IQCB1: variants seen among roughly 807,000 people sequenced by gnomAD.
IQCB1 encodes the protein IQ calmodulin-binding motif-containing protein 1.
IQCB1 carries 56 observed loss-of-function variants against 84.4 expected under a neutral mutation model. The observed-to-expected ratio is 0.66, with a 90% CI of 0.54 to 0.83. The LOEUF (loss-of-function observed/expected upper bound fraction) is 0.83, where lower values mean the gene tolerates loss of function less well. Ranked by LOEUF, IQCB1 falls within the 40% of genes least tolerant of loss-of-function variation. The pLI is 0.00. For missense variants in IQCB1, 629 were observed against 682.1 expected, an observed-to-expected ratio of 0.92 and a Z score of 0.87; for synonymous variants, 210 against 234.8, an observed-to-expected ratio of 0.89 and a Z score of 0.96.
intron 5 of IQCB1, among the ~76,000 whole-genome samples, chr3:121,815,924 G>C (rs1257632469): frequency 1.1e-5 from 1 of 91,994 alleles, no homozygotes; most frequent in East Asian, 3.4e-4. Context: ...ATTTCATGTG[G>C]AACCAAAAAA....
At chr3:121,818,270 G>A (rs1459001331) in intron 5 of IQCB1, among the ~76,000 whole-genome samples, 1 of 152,162 alleles carries the variant, frequency 6.6e-6, no homozygotes, top group Non-Finnish European at 1.5e-5. Flanking sequence ...CTGTCAAAAG[G>A]TAAAAATAGT....
rs1471194015 is a variant in IQCB1 at position 121,835,013 on chromosome 3, G to C, written c.-149C>G. On this transcript the variant is annotated 5_prime_UTR_variant, in exon 1 of 15. Coordinates refer to ENST00000310864, the MANE Select transcript of IQCB1 (RefSeq NM_001023570.4). The stretch of plus-strand genomic sequence containing the variant: ...CCACTAAAGAACCTGGGGCTCCCAC[G>C]CCGCACTACAGCGCCGCGGCCTTCC... The C allele has an allele frequency of 4.0e-6, 2 of 498,124 alleles. No homozygotes were observed. The highest frequency in any genetic ancestry group is 2.0e-5 in the African/African-American group (1 of 50,572). 30.9% of individuals were successfully genotyped at this position (498,124 alleles called of 1,614,324 possible).
chr3:121,817,875 G>C (rs1359960632), intron 5 of IQCB1, among the ~76,000 whole-genome samples: 1 of 152,014 alleles, frequency 6.6e-6, no homozygotes, highest in African/African-American at 2.4e-5. Flanking sequence ...AGAGACAAGA[G>C]AGCTCCCTCT....
In IQCB1 at chr3:121,781,793, G is replaced by A. The variant is rs374241434; in HGVS notation, c.1360C>T (p.Arg454Cys). Residue 454 changes from arginine (R) to cysteine (C), a missense_variant, in exon 13 of 15, where the codon CGC becomes TGC. Arg to Cys is a radical substitution (Grantham distance 180). Transcript: ENST00000310864. ...ACTCGTTTCTTCAGTTCAACTCGGC[G>A]TGCATCAGTGAGTTCTTGGAGTCCT... is the stretch of plus-strand genomic sequence containing the variant. ...WRGLQELTDA[R>C]RVELKKRVDD... The A allele has an allele frequency of 1.6e-5, 26 of 1,613,750 alleles. No individual in the cohort carries two copies. Among genetic ancestry groups the A allele is most frequent in the South Asian group, 7.7e-5 (7 of 91,056 alleles).
At chr3:121,785,272 G>A (rs1179075487) in intron 12 of IQCB1, among the ~76,000 whole-genome samples, 1 of 149,300 alleles carries the variant, frequency 6.7e-6, no homozygotes, top group Non-Finnish European at 1.5e-5. Flanking sequence ...TTTTTTTTGA[G>A]GCAGGGTCTT....
intron 1 of IQCB1, 92 bp downstream of exon 1, chr3:121,834,874 C>T (rs1708186390): frequency 7.2e-6 from 2 of 278,032 alleles, no homozygotes; most frequent in Non-Finnish European, 1.4e-5. Context: ...TCTTACAAGC[C>T]GGCTGACTTC....
intron 13 of IQCB1, among the ~76,000 whole-genome samples, chr3:121,778,441 T>C (rs915788920): frequency 2.0e-5 from 3 of 152,174 alleles, no homozygotes; most frequent in Non-Finnish European, 4.4e-5. Flanking sequence ...TTCTGCAATG[T>C]TAAATCCTTT....
At chr3:121,811,222 CTG>C (rs1949816202) in intron 5 of IQCB1, among the ~76,000 whole-genome samples, 1 of 152,130 alleles carries the variant, frequency 6.6e-6, no homozygotes, top group South Asian at 2.1e-4. Flanking sequence ...AAGGGAGGGA[CTG>C]TGCTATCTGG....
At chr3:121,820,837 T>C (rs1203884005) in intron 5 of IQCB1, among the ~76,000 whole-genome samples, 1 of 152,182 alleles carries the variant, frequency 6.6e-6, no homozygotes, top group East Asian at 1.9e-4. Context: ...GTCAAGACAC[T>C]TATTACCTTA....
chr3:121,804,163 T>C (rs556730265), intron 7 of IQCB1, among the ~76,000 whole-genome samples: 1 of 152,178 alleles, frequency 6.6e-6, no homozygotes, highest in Non-Finnish European at 1.5e-5. Context: ...AGTGATATTA[T>C]ACCACTTCAT....
chr3:121,793,395 A>G (rs1049698514), intron 10 of IQCB1, among the ~76,000 whole-genome samples: 1 of 152,226 alleles, frequency 6.6e-6, no homozygotes, highest in Non-Finnish European at 1.5e-5. Flanking sequence ...ACCTGGACCC[A>G]TAAGTGTGAC....
chr3:121,774,066 C>A (rs1348365250), intron 13 of IQCB1, among the ~76,000 whole-genome samples: 1 of 139,742 alleles, frequency 7.2e-6, no homozygotes, highest in African/African-American at 2.7e-5. Flanking sequence ...CTACAAAAAA[C>A]AACCTGATTA....
At chr3:121,804,847 T>C (rs116174907) in intron 7 of IQCB1, among the ~76,000 whole-genome samples, 2 of 152,316 alleles carry the variant, frequency 1.3e-5, no homozygotes, top group African/African-American at 4.8e-5. Flanking sequence ...ATTACACTTA[T>C]GTAAGGTTGC....
In IQCB1 at chr3:121,807,573, G is replaced by A. The variant is rs573256166; in HGVS notation, c.488-130C>T. On this transcript the variant is annotated intron_variant, in intron 6 of 14. Coordinates refer to ENST00000310864, the MANE Select transcript of IQCB1 (RefSeq NM_001023570.4). ...AACTTTCTGACTTTGTAGACTCTAC[G>A]ATAAAGAAGACTTTAAGATGTAAAA... 29 of 584,290 alleles carry A rather than the reference G, an allele frequency of 5.0e-5. 1 individual carries two copies. Among genetic ancestry groups the A allele is most frequent in the South Asian group, 4.4e-4 (23 of 52,660 alleles). The allele number at this position is 584,290 out of a possible 1,614,324, so 36.2% of individuals were successfully genotyped here.
chr3:121,796,505 A>C (rs1576570918), intron 9 of IQCB1, among the ~76,000 whole-genome samples: 1 of 152,262 alleles, frequency 6.6e-6, no homozygotes, highest in South Asian at 2.1e-4. Flanking sequence ...TGCTAGAGGA[A>C]GTATGATGAA....
chr3:121,811,545 T>C (rs1949830383), intron 5 of IQCB1, among the ~76,000 whole-genome samples: 1 of 151,990 alleles, frequency 6.6e-6, no homozygotes, highest in Non-Finnish European at 1.5e-5. Flanking sequence ...AGCACAACAG[T>C]CTGAAGTCGA....
At chr3:121,772,819 A>C (rs1410331726) in intron 13 of IQCB1, 106 bp from the exon 14 acceptor site, 6 of 981,020 alleles carry the variant, frequency 6.1e-6, no homozygotes, top group African/African-American at 3.2e-5. Context: ...TCATTTTATC[A>C]ATTGAATCTT....
chr3:121,770,855 T>G (rs1947950324), intron 14 of IQCB1, among the ~76,000 whole-genome samples: 1 of 152,120 alleles, frequency 6.6e-6, no homozygotes, highest in South Asian at 2.1e-4. Flanking sequence ...TTTTTCTTTT[T>G]TTGTAGAGAT....
In IQCB1 at chr3:121,821,087, C is replaced by T. The variant is rs188882978; in HGVS notation, c.393+4964G>A. 3.3e-4 allele frequency among the ~76,000 whole-genome samples: 50 copies of T among 152,026 alleles called. No homozygotes were observed. The East Asian group carries it at 9.7e-3, about 29-fold the overall frequency. ...CTCACTGCAGCCGTGAGCTCCTGGG[C>T]TCAAGCAATCCTCCTGCCTTAGCCT... On this transcript the variant is annotated intron_variant, in intron 5 of 14. Transcript: ENST00000310864.
Sources: allele counts gnomAD v4.1 joint callset (sites outside exome capture counted in the v4.1 genomes callset), GRCh38; gene constraint gnomAD v4.1.1; transcripts MANE v1.5; gene names NCBI Gene and HGNC (gene_info 2026-07-23, HGNC 2026-07-21).